The following MGST1 variants were observed in gnomAD, a reference collection of about 807,000 sequenced individuals.
MGST1 encodes the protein glutathione S-transferase 12.
MGST1 carries 5 observed loss-of-function variants against 8.9 expected under a neutral mutation model. The ratio of observed to expected loss-of-function variants is 0.56; its 90% CI spans 0.29 to 1.19. The LOEUF is 1.19. Ranked by LOEUF, MGST1 falls within the 50% of genes most tolerant of loss-of-function variation. The pLI is 0.08. For synonymous variants in MGST1, 54 were observed against 67.8 expected (o/e 0.80, Z 1.00); for missense variants, 182 against 187.4 (o/e 0.97, Z 0.17).
Position 16,410,537 on chromosome 12 carries a change from A to G in MGST1, n.779-26851A>G, listed in dbSNP as rs1458627505. On this transcript the variant is annotated intron_variant and non_coding_transcript_variant, in intron 1 of 1. Transcript: ENST00000359720. The surrounding 1 kb of genome is among the most constrained non-coding windows in gnomAD (Gnocchi z 4.4). ...TATTGCATATATGTGTATATATTTG[A>G]TTATATATGTTTATACACTATTATA... Among the ~76,000 whole-genome samples, 1 of 150,220 alleles carries G rather than the reference A, an allele frequency of 6.7e-6. No homozygotes were observed. Among genetic ancestry groups the G allele is most frequent in the East Asian group, 1.9e-4 (1 of 5,166 alleles).
At chr12:16,522,180 C>T (rs538315759) in intron 4 of MGST1, among the ~76,000 whole-genome samples, 1 of 152,020 alleles carries the variant, frequency 6.6e-6, no homozygotes, top group Non-Finnish European at 1.5e-5. Flanking sequence ...TTCATCAGCT[C>T]GGGGATTGGA....
chr12:16,510,698 A>C (rs941980432), intron 4 of MGST1, among the ~76,000 whole-genome samples: 28 of 152,198 alleles, frequency 1.8e-4, no homozygotes, highest in African/African-American at 5.8e-4. Context: ...AACACTGTAA[A>C]ATCATTTTAG....
chr12:16,381,797 T>C (rs1940456025), downstream of MGST1, among the ~76,000 whole-genome samples: 1 of 152,224 alleles, frequency 6.6e-6, no homozygotes, highest in African/African-American at 2.4e-5. Context: ...ATTTGGTCTT[T>C]TCACATAGTC....
rs953785392 is a variant in MGST1 at position 16,548,125 on chromosome 12, A to G, written n.483-41403A>G. On this transcript the variant is annotated intron_variant and non_coding_transcript_variant, in intron 4 of 4. Transcript: ENST00000538857. This position sits in a 1 kb window ranked among gnomAD's most constrained non-coding sequence, Gnocchi z 4.2. ...AAAATTTGTATAAATGTGCAAAATT[A>G]CACCCAGCAATTGCTACCTTCATTT... Among the ~76,000 whole-genome samples the G allele has an allele frequency of 2.0e-5, 3 of 152,190 alleles. No individual in the cohort carries two copies. In the East Asian group the frequency reaches 5.8e-4, roughly 29 times the overall value.
At chr12:16,486,851 CA>C (rs918566194) in intron 4 of MGST1, among the ~76,000 whole-genome samples, 2 of 151,266 alleles carry the variant, frequency 1.3e-5, no homozygotes, top group Non-Finnish European at 3.0e-5. Flanking sequence ...CTAAGGTGGA[CA>C]AAAAACAGTG....
chr12:16,401,970 T>C lies in MGST1; in HGVS notation n.778+18366T>C. ...AAAGCCTTCTTTGTTGAGGCAGTCA[T>C]TCCAGCTCTTCATGAACTCTCCAGG... On this transcript the variant is annotated intron_variant and non_coding_transcript_variant, in intron 1 of 1. Transcript: ENST00000359720. The surrounding 1 kb of genome is among the most constrained non-coding windows in gnomAD (Gnocchi z 4.3). 2 of 1,612,198 alleles carry C rather than the reference T, an allele frequency of 1.2e-6. No homozygotes were observed. The highest frequency in any genetic ancestry group is 1.7e-6 in the Non-Finnish European group (2 of 1,178,192).
intron 4 of MGST1, among the ~76,000 whole-genome samples, chr12:16,507,844 G>A (rs781671556): frequency 6.6e-6 from 1 of 152,046 alleles, no homozygotes; most frequent in African/African-American, 2.4e-5. Context: ...CAACATTAGG[G>A]ATTCCAATTC....
intron 4 of MGST1, among the ~76,000 whole-genome samples, chr12:16,494,902 T>G (rs1941460601): frequency 1.3e-5 from 2 of 152,182 alleles, no homozygotes; most frequent in Admixed American, 6.6e-5. Flanking sequence ...AAAATTCTTA[T>G]ATCAATGTTT....
chr12:16,384,132 C>T (rs141784930), intron 1 of MGST1, among the ~76,000 whole-genome samples: 2 of 152,218 alleles, frequency 1.3e-5, no homozygotes, highest in East Asian at 3.9e-4. Context: ...TGGGATACTG[C>T]TGGGGTCCCC....
intron 4 of MGST1, among the ~76,000 whole-genome samples, chr12:16,562,673 G>A (rs1263229649): frequency 6.6e-6 from 1 of 152,170 alleles, no homozygotes; most frequent in African/African-American, 2.4e-5. Context: ...GTAATGCATG[G>A]CCAGCCCTGA....
In MGST1 at chr12:16,514,717, C is replaced by T. The variant is rs114869581; in HGVS notation, n.483-74811C>T. Among the ~76,000 whole-genome samples, 1,508 of 152,322 alleles carry T rather than the reference C, an allele frequency of 9.9e-3. 54 individuals are homozygous for T. The East Asian group carries it at 0.14, about 14-fold the overall frequency. On this transcript the variant is annotated intron_variant and non_coding_transcript_variant, in intron 4 of 4. Coordinates refer to the MGST1 transcript ENST00000538857. ...GAGACAACCTTTCTGTCTTCAGCCT[C>T]TGCTACTGGGAGCTTCACAGAGGAT...
intron 1 of MGST1, among the ~76,000 whole-genome samples, chr12:16,411,887 C>A (rs1940745524): frequency 6.6e-6 from 1 of 152,046 alleles, no homozygotes; most frequent in South Asian, 2.1e-4. Flanking sequence ...ATGGTCATTA[C>A]AGAGTTAGAT....
chr12:16,400,352 G>A (rs1049652015), intron 1 of MGST1: 8 of 813,860 alleles, frequency 9.8e-6, no homozygotes, highest in Admixed American at 7.0e-5. Context: ...TTGTCTCCTC[G>A]AACAGATATG....
At chr12:16,432,735 G>GAC (rs1940950574) in intron 1 of MGST1, among the ~76,000 whole-genome samples, 1 of 147,960 alleles carries the variant, frequency 6.8e-6, no homozygotes, top group African/African-American at 2.5e-5. Context: ...CACACACAGA[G>GAC]AGAGAGAATA....
At chr12:16,449,758 A>T (rs1306115374) in intron 4 of MGST1, among the ~76,000 whole-genome samples, 1 of 151,904 alleles carries the variant, frequency 6.6e-6, no homozygotes, top group Non-Finnish European at 1.5e-5. Context: ...TAAACAAGTG[A>T]GTCCTTCCAC....
At position 16,533,428 on chromosome 12, in the gene MGST1, G is replaced by A. The variant is rs138247412; in HGVS notation, n.483-56100G>A. Among the ~76,000 whole-genome samples, 715 of 152,196 alleles carry A rather than the reference G, an allele frequency of 4.7e-3. 9 individuals carry two copies. The highest frequency in any genetic ancestry group is 0.016 in the African/African-American group (683 of 41,520). On this transcript the variant is annotated intron_variant and non_coding_transcript_variant, in intron 4 of 4. Transcript: ENST00000538857. ...CCATTTGTCTCTCTGGGTTCTCCTG[G>A]AAACAGGAACATCTGCTTTTCTATG...
At position 16,589,121 on chromosome 12, in the gene MGST1, A is replaced by C. The variant is rs1352869117; in HGVS notation, n.483-407A>C. On this transcript the variant is annotated intron_variant and non_coding_transcript_variant, in intron 4 of 4. Coordinates refer to the MGST1 transcript ENST00000538857. This position sits in a 1 kb window ranked among gnomAD's most constrained non-coding sequence, Gnocchi z 4.2. ...CGTGATGCAACCTGACATGCCTCTA[A>C]GATCTACGAATTAGATGTAACCTCA... 6.6e-6 allele frequency among the ~76,000 whole-genome samples: 1 copy of C among 152,148 alleles called. No individual in the cohort carries two copies. The highest frequency in any genetic ancestry group is 1.5e-5 in the Non-Finnish European group (1 of 68,006).
chr12:16,391,646 C>T (rs990939993), intron 1 of MGST1, among the ~76,000 whole-genome samples: 1 of 152,128 alleles, frequency 6.6e-6, no homozygotes, highest in Non-Finnish European at 1.5e-5. Context: ...GATATTAGAC[C>T]TTTGTCAGAT....
At chr12:16,478,175 G>A (rs986280654) in intron 4 of MGST1, among the ~76,000 whole-genome samples, 24 of 152,052 alleles carry the variant, frequency 1.6e-4, no homozygotes, top group Admixed American at 1.4e-3. Flanking sequence ...GACTATAGGC[G>A]CGTGCCACCA....
Sources: gnomAD v4.1 joint callset for allele counts (sites outside exome capture counted in the v4.1 genomes callset) on GRCh38, gnomAD v4.1.1 for gene constraint, Gnocchi (gnomAD v3.1) non-coding constraint, MANE v1.5 for transcripts, NCBI Gene and HGNC (gene_info 2026-07-23, HGNC 2026-07-21) for gene names.